The following NRG3 variants were observed in gnomAD, a reference collection of about 807,000 sequenced individuals.
NRG3 encodes neuregulin 3.
A neutral mutation model predicts 66.9 loss-of-function variants in NRG3; 31 were observed. The observed-to-expected ratio is 0.46, with a 90% CI of 0.35 to 0.63. The LOEUF (loss-of-function observed/expected upper bound fraction) is 0.63, where lower values mean the gene tolerates loss of function less well. NRG3 is among the 20% of genes least tolerant of loss of function. The probability of loss-of-function intolerance (pLI) is 0.00; values close to 1 mark genes in which losing one functional copy is unlikely to be tolerated. For synonymous variants in NRG3, 393 were observed against 359.4 expected (o/e 1.09, Z -1.06); for missense variants, 910 against 878.9 (o/e 1.04, Z -0.45).
intron 2 of NRG3, among the ~76,000 whole-genome samples, chr10:82,540,855 G>A (rs2043493224): frequency 6.6e-6 from 1 of 152,166 alleles, no homozygotes; most frequent in Admixed American, 6.5e-5. Flanking sequence ...ATATGTTGAC[G>A]TTCTAACCCC....
chr10:82,682,231 T>C (rs2054154949), intron 2 of NRG3, among the ~76,000 whole-genome samples: 2 of 152,196 alleles, frequency 1.3e-5, no homozygotes, highest in Admixed American at 1.3e-4. Context: ...GACTGGATAC[T>C]AAGCAAGGCT....
At chr10:82,194,457 GC>G (rs2133388071) in intron 1 of NRG3, among the ~76,000 whole-genome samples, 1 of 152,248 alleles carries the variant, frequency 6.6e-6, no homozygotes, top group African/African-American at 2.4e-5. Flanking sequence ...CAGAGTATAA[GC>G]AAAGAGGCTG....
intron 1 of NRG3, among the ~76,000 whole-genome samples, chr10:82,339,916 T>C (rs1235111568): frequency 1.3e-5 from 2 of 152,142 alleles, no homozygotes; most frequent in Non-Finnish European, 2.9e-5. Context: ...GGGCTGGAGA[T>C]ATAAGACAGC....
intron 2 of NRG3, among the ~76,000 whole-genome samples, chr10:82,568,698 T>C (rs1327133097): frequency 6.6e-6 from 1 of 151,872 alleles, no homozygotes; most frequent in Non-Finnish European, 1.5e-5. Context: ...TATTAAAGTG[T>C]ATTCTGATTT....
At chr10:82,716,683 A>G (rs562151167) in intron 2 of NRG3, among the ~76,000 whole-genome samples, 1 of 152,220 alleles carries the variant, frequency 6.6e-6, no homozygotes, top group Admixed American at 6.5e-5. Flanking sequence ...GAAAGGTGTT[A>G]GGAAGAAATC....
chr10:81,923,292 G>C (rs1182122663), intron 1 of NRG3, among the ~76,000 whole-genome samples: 1 of 151,970 alleles, frequency 6.6e-6, no homozygotes. Flanking sequence ...TGCAAGCTCC[G>C]CCTCCCGGGT....
At chr10:81,882,463 A>G (rs1479400301) in intron 1 of NRG3, among the ~76,000 whole-genome samples, 1 of 152,068 alleles carries the variant, frequency 6.6e-6, no homozygotes, top group Non-Finnish European at 1.5e-5. Flanking sequence ...TTGTTTGTAT[A>G]TTTCTATATA....
chr10:82,060,402 C>T (rs1029984224), intron 1 of NRG3, among the ~76,000 whole-genome samples: 2 of 152,168 alleles, frequency 1.3e-5, no homozygotes, highest in African/African-American at 4.8e-5. Flanking sequence ...GGGGTGCTGT[C>T]TTCTACCATG....
intron 3 of NRG3, among the ~76,000 whole-genome samples, chr10:82,760,713 A>G (rs1004043647): frequency 2.0e-5 from 3 of 152,168 alleles, no homozygotes; most frequent in African/African-American, 7.2e-5. Context: ...AGCTACCAAA[A>G]CTAAAGAACT....
At chr10:81,920,514 C>A (rs918187022) in intron 1 of NRG3, among the ~76,000 whole-genome samples, 10 of 152,080 alleles carry the variant, frequency 6.6e-5, no homozygotes, top group South Asian at 4.1e-4. Flanking sequence ...AAAAATGATA[C>A]TTTATGACAT....
At chr10:82,346,461 G>T (rs1044429291) in intron 1 of NRG3, among the ~76,000 whole-genome samples, 11 of 147,202 alleles carry the variant, frequency 7.5e-5, no homozygotes, top group South Asian at 2.1e-4. Context: ...GCTGGATTCG[G>T]TTTGCCAGTA....
intron 1 of NRG3, among the ~76,000 whole-genome samples, chr10:82,156,260 T>A (rs976656730): frequency 1.3e-5 from 2 of 151,628 alleles, no homozygotes; most frequent in African/African-American, 4.8e-5. Context: ...TCATTTATTT[T>A]TTTTTTCACA....
intron 2 of NRG3, among the ~76,000 whole-genome samples, chr10:82,650,372 G>A (rs182067585): frequency 1.3e-5 from 2 of 152,224 alleles, no homozygotes; most frequent in African/African-American, 4.8e-5. Context: ...CTCTAAAAAT[G>A]TTTTGGTACT....
intron 2 of NRG3, among the ~76,000 whole-genome samples, chr10:82,460,956 G>T (rs2091484576): frequency 6.6e-6 from 1 of 152,096 alleles, no homozygotes; most frequent in African/African-American, 2.4e-5. Context: ...TACTCTGAAA[G>T]GTTTCTAAGT....
chr10:81,974,452 A>C (rs949008876), intron 1 of NRG3, among the ~76,000 whole-genome samples: 7 of 152,258 alleles, frequency 4.6e-5, no homozygotes, highest in Admixed American at 3.3e-4. Context: ...ATGGAGAATA[A>C]GTTTTAGACA....
At chr10:82,728,260 G>T (rs1591331913) in intron 2 of NRG3, among the ~76,000 whole-genome samples, 1 of 152,110 alleles carries the variant, frequency 6.6e-6, no homozygotes, top group Non-Finnish European at 1.5e-5. Context: ...GGTCGGGGTG[G>T]AATAATATGG....
At chr10:82,671,240 C>G (rs1475578136) in intron 2 of NRG3, among the ~76,000 whole-genome samples, 2 of 152,188 alleles carry the variant, frequency 1.3e-5, no homozygotes, top group African/African-American at 2.4e-5. Context: ...ATGTCACTCT[C>G]AGTAAGCTCC....
At chr10:82,938,927 T>C (rs922175370) in intron 4 of NRG3, among the ~76,000 whole-genome samples, 1 of 152,162 alleles carries the variant, frequency 6.6e-6, no homozygotes, top group African/African-American at 2.4e-5. Flanking sequence ...ACAGCTATTA[T>C]AGGTTCAGGA....
At chr10:82,505,262 G>A (rs1430298608) in intron 2 of NRG3, among the ~76,000 whole-genome samples, 1 of 152,222 alleles carries the variant, frequency 6.6e-6, no homozygotes, top group Admixed American at 6.5e-5. Flanking sequence ...AATCCTAGCT[G>A]TTCACTGATG....
Sources: gnomAD v4.1 joint callset for allele counts (sites outside exome capture counted in the v4.1 genomes callset) on GRCh38, gnomAD v4.1.1 for gene constraint, MANE v1.5 for transcripts, NCBI Gene and HGNC (gene_info 2026-07-23, HGNC 2026-07-21) for gene names.